Variants in NUP214 observed in about 807,000 individuals in gnomAD.
NUP214 encodes the protein nucleoporin 214.
NUP214 carries 79 observed loss-of-function variants against 196.2 expected under a neutral mutation model. The ratio of observed to expected loss-of-function variants is 0.40; its 90% CI spans 0.34 to 0.49. The LOEUF is 0.49. Ranked by LOEUF, NUP214 falls within the 20% of genes least tolerant of loss-of-function variation. The probability of loss-of-function intolerance (pLI) is 0.58; values close to 1 mark genes in which losing one functional copy is unlikely to be tolerated. For synonymous variants in NUP214, 1,020 were observed against 990.5 expected (o/e 1.03, Z -0.56); for missense variants, 2,468 against 2,539.0 (o/e 0.97, Z 0.60).
At chr9:131,150,835 G>A in intron 16 of NUP214, 70 bp downstream of exon 16, 2 of 1,438,204 alleles carry the variant, frequency 1.4e-6, no homozygotes, top group Admixed American at 2.2e-5. Flanking sequence ...GTACTCCATG[G>A]GGTTATGTAC....
At chr9:131,230,790 C>T (rs1489471364) in intron 34 of NUP214, 21 bp downstream of exon 34, 1 of 1,608,024 alleles carries the variant, frequency 6.2e-7, no homozygotes, top group Admixed American at 1.7e-5. Context: ...ACAAGTTCTC[C>T]CCTCACAAGC....
At chr9:131,207,039 A>G (rs552596973) in intron 30 of NUP214, among the ~76,000 whole-genome samples, 72 of 152,356 alleles carry the variant, frequency 4.7e-4, no homozygotes, top group African/African-American at 1.7e-3. Flanking sequence ...GTGGAAATGA[A>G]TGAACTTTCA....
rs535553114 is a variant in NUP214 at position 131,125,616 on chromosome 9, G to A, written c.-89G>A. ...CAACTGCGCGCCGCTGGCGCTGAGG[G>A]GAGGAAGTTTGCTGTCGAGCGGCCT... On this transcript the variant is annotated 5_prime_UTR_variant, in exon 1 of 36. Transcript: ENST00000359428. The surrounding 1 kb of genome is among the most constrained non-coding windows in gnomAD (Gnocchi z 4.1). 212 of 1,537,782 alleles carry A rather than the reference G, an allele frequency of 1.4e-4. 1 individual carries two copies. The South Asian group carries it at 2.3e-3, about 17-fold the overall frequency.
intron 32 of NUP214, among the ~76,000 whole-genome samples, chr9:131,223,727 A>ATTTATTTATTTATTTATTTATTTTT: frequency 1.3e-4 from 2 of 15,660 alleles, no homozygotes; most frequent in African/African-American, 1.5e-4. Context: ...TTATTTATTT[A>ATTTATTTATTTATTTATTTATTTTT]TTTTTTTTTT....
intron 24 of NUP214, among the ~76,000 whole-genome samples, chr9:131,184,014 T>G (rs1833369075): frequency 6.7e-6 from 1 of 148,896 alleles, no homozygotes; most frequent in African/African-American, 2.5e-5. Context: ...TTTCTTTTTC[T>G]TTTTTCTTTT....
intron 29 of NUP214, among the ~76,000 whole-genome samples, chr9:131,201,196 C>T (rs574765797): frequency 2.5e-4 from 38 of 150,954 alleles, no homozygotes; most frequent in African/African-American, 8.0e-4. Flanking sequence ...AGGCTGGGTG[C>T]GGTGGCCCAC....
chr9:131,155,182 A>G (rs1832397313), intron 17 of NUP214, among the ~76,000 whole-genome samples: 1 of 152,192 alleles, frequency 6.6e-6, no homozygotes, highest in Non-Finnish European at 1.5e-5. Context: ...AATTACGGCC[A>G]TTCTTGCAGA....
intron 10 of NUP214, among the ~76,000 whole-genome samples, chr9:131,140,308 G>A (rs571672188): frequency 1.1e-4 from 17 of 152,268 alleles, no homozygotes; most frequent in Admixed American, 9.2e-4. Flanking sequence ...GAGCTACTGC[G>A]GGACTGATGG....
intron 30 of NUP214, among the ~76,000 whole-genome samples, chr9:131,206,749 A>G (rs572771305): frequency 9.2e-5 from 14 of 152,318 alleles, no homozygotes; most frequent in Admixed American, 6.5e-5. Flanking sequence ...CTGGTCTCAT[A>G]GTAGAATATT....
At chr9:131,145,077 A>T (rs1832049810) in intron 12 of NUP214, among the ~76,000 whole-genome samples, 1 of 152,148 alleles carries the variant, frequency 6.6e-6, no homozygotes, top group Non-Finnish European at 1.5e-5. Flanking sequence ...TGCATCCTGG[A>T]AGGGAAATGA....
rs1370023101 is a variant in NUP214, at chr9:131,201,673, G to A, written c.5548G>A (p.Val1850Met). Reference sequence around the variant, plus strand: ...TTTTGGGTCTAGTAATACTGGTTCTGTGTTTGGTCAAGCAGCCAGTACTGG... The same window carrying A: ...TTTTGGGTCTAGTAATACTGGTTCTATGTTTGGTCAAGCAGCCAGTACTGG... ...SGFGSSNTGS[V>M]FGQAASTGGI... The change falls in exon 30 of 36, where the codon GTG becomes ATG. Residue 1850 changes from valine (V) to methionine (M), a missense_variant. By Grantham distance (21) the Val-to-Met change is conservative (BLOSUM62 1). Around this residue, in one of 5 missense-constraint regions of NUP214, gnomAD observed 7 missense variants for 22.5 expected, o/e 0.31. Transcript: ENST00000359428. 1 of 1,614,114 alleles carries A rather than the reference G, an allele frequency of 6.2e-7. No individual in the cohort carries two copies. The highest frequency in any genetic ancestry group is 1.3e-5 in the African/African-American group (1 of 75,040).
At chr9:131,192,169 C>A (rs202109721) in intron 26 of NUP214, 39 bp from the exon 27 acceptor site, 9 of 446,992 alleles carry the variant, frequency 2.0e-5, no homozygotes, top group East Asian at 8.7e-5. Flanking sequence ...TTGTAATATT[C>A]TTTTTTTTTT....
At position 131,175,562 on chromosome 9, in the gene NUP214, C is replaced by T. The variant is rs567437017; in HGVS notation, c.3260C>T (p.Ser1087Leu). 1.2e-6 allele frequency: 2 copies of T among 1,614,202 alleles called. No individual in the cohort carries two copies. Among genetic ancestry groups the T allele is most frequent in the South Asian group, 1.1e-5 (1 of 91,088 alleles). ...HGAPSPSHPISAPQAAAAAAL... is the reference protein window; with the variant it reads ...HGAPSPSHPILAPQAAAAAAL... ...GCACCTAGTCCTTCCCACCCCATCT[C>T]AGCCCCGCAGGCAGCTGCCGCAGCA... The change falls in exon 23 of 36, where the codon TCA becomes TTA. Residue 1087 changes from serine to leucine, a missense_variant. By Grantham distance (145) the Ser-to-Leu change is moderately radical. Transcript: ENST00000359428.
At position 131,189,147 on chromosome 9, in the gene NUP214, T is replaced by A. The variant is rs772974849; in HGVS notation, c.3574+16T>A. The A allele has an allele frequency of 6.2e-7, 1 of 1,610,422 alleles. No individual in the cohort carries two copies. The highest frequency in any genetic ancestry group is 8.5e-7 in the Non-Finnish European group (1 of 1,176,668). ...AAAGCTTCAGGTCAGTTTGCATTTTTGTTTTCTTGAAAAGTGAAAGAAGCA... is the reference window on the plus strand; with the variant it reads ...AAAGCTTCAGGTCAGTTTGCATTTTAGTTTTCTTGAAAAGTGAAAGAAGCA... On this transcript the variant is annotated intron_variant, in intron 26 of 35. Coordinates refer to ENST00000359428, the MANE Select transcript of NUP214 (RefSeq NM_005085.4).
At chr9:131,211,375 T>C (rs569658239) in intron 30 of NUP214, among the ~76,000 whole-genome samples, 1 of 152,370 alleles carries the variant, frequency 6.6e-6, no homozygotes, top group Non-Finnish European at 1.5e-5. Context: ...GATTGCTTGC[T>C]ATGTCTCTTA....
At chr9:131,209,786 TC>T (rs1001450993) in intron 30 of NUP214, among the ~76,000 whole-genome samples, 2 of 152,074 alleles carry the variant, frequency 1.3e-5, no homozygotes, top group African/African-American at 4.8e-5. Flanking sequence ...CCTCCAGCTC[TC>T]CCCCGCTAAT....
chr9:131,218,074 AT>A (rs1340811545), intron 31 of NUP214, among the ~76,000 whole-genome samples: 4 of 152,266 alleles, frequency 2.6e-5, no homozygotes, highest in African/African-American at 9.6e-5. Context: ...ACTATTCTTG[AT>A]ACCAGATAAC....
chr9:131,149,286 C>T (rs548289399), intron 14 of NUP214, among the ~76,000 whole-genome samples: 107 of 142,306 alleles, frequency 7.5e-4, no homozygotes, highest in Non-Finnish European at 1.4e-3. Context: ...TCTAAGACCT[C>T]TCTAGTGTTA....
chr9:131,199,479 T>C (rs993481204), intron 29 of NUP214, among the ~76,000 whole-genome samples: 1 of 152,200 alleles, frequency 6.6e-6, no homozygotes, highest in African/African-American at 2.4e-5. Context: ...CTGCCAGTGT[T>C]TTCTGTCTCC....
Sources: allele counts gnomAD v4.1 joint callset (sites outside exome capture counted in the v4.1 genomes callset), GRCh38; gene constraint gnomAD v4.1.1; regional missense constraint gnomAD v4.1.1; non-coding constraint Gnocchi (gnomAD v3.1); transcripts MANE v1.5; gene names NCBI Gene and HGNC (gene_info 2026-07-23, HGNC 2026-07-21).